Variants in PDE1A observed in about 807,000 individuals in gnomAD.
PDE1A encodes phosphodiesterase 1A.
PDE1A carries 35 observed loss-of-function variants against 61.7 expected under a neutral mutation model. The observed-to-expected ratio is 0.57, with a 90% CI of 0.43 to 0.75. The LOEUF (loss-of-function observed/expected upper bound fraction) is 0.75. Among genes scored for constraint, PDE1A ranks in the 30% least tolerant of loss-of-function variants. The probability of loss-of-function intolerance (pLI) is 0.00; values close to 1 mark genes in which losing one functional copy is unlikely to be tolerated. For missense variants in PDE1A, 597 were observed against 630.6 expected (o/e 0.95, Z 0.57); for synonymous variants, 232 against 213.2 (o/e 1.09, Z -0.77).
intron 13 of PDE1A, among the ~76,000 whole-genome samples, chr2:182,176,427 AT>A (rs1239020061): frequency 2.1e-5 from 3 of 145,134 alleles, no homozygotes; most frequent in African/African-American, 8.2e-5. Context: ...ATTCCTAGGT[AT>A]TTTATTCTCT....
At chr2:182,418,317 T>G (rs1703048680) in intron 1 of PDE1A, among the ~76,000 whole-genome samples, 1 of 152,172 alleles carries the variant, frequency 6.6e-6, no homozygotes, top group Non-Finnish European at 1.5e-5. Flanking sequence ...TCATTACGGG[T>G]GTAATAGCTC....
chr2:182,568,528 C>T, the PDE1A span, among the ~76,000 whole-genome samples: 10 of 152,010 alleles, frequency 6.6e-5, no homozygotes, highest in East Asian at 3.9e-4. Flanking sequence ...TAGCCAGGCG[C>T]AGTGGCGGGC....
At chr2:182,437,247 G>C (rs978341924) in intron 2 of PDE1A, among the ~76,000 whole-genome samples, 4 of 151,972 alleles carry the variant, frequency 2.6e-5, no homozygotes, top group Admixed American at 1.3e-4. Context: ...ATGTGCAAAT[G>C]AAGTTGTGAT....
chr2:182,661,982 G>A, the PDE1A span, among the ~76,000 whole-genome samples: 67 of 151,434 alleles, frequency 4.4e-4, no homozygotes, highest in African/African-American at 1.6e-3. Flanking sequence ...TTACTAATTC[G>A]ACCAGCTGAT....
At chr2:182,231,946 G>A (rs1398866417) in intron 4 of PDE1A, among the ~76,000 whole-genome samples, 2 of 151,906 alleles carry the variant, frequency 1.3e-5, no homozygotes, top group African/African-American at 4.8e-5. Context: ...AGAAAAATAT[G>A]TAAATATCAT....
chr2:182,149,847 T>C (rs1420056920), intron 13 of PDE1A, among the ~76,000 whole-genome samples: 1 of 152,150 alleles, frequency 6.6e-6, no homozygotes, highest in Non-Finnish European at 1.5e-5. Flanking sequence ...GAATCATAGA[T>C]CCCTCTTGTA....
chr2:182,483,215 C>T (rs1346481474), intron 2 of PDE1A, among the ~76,000 whole-genome samples: 3 of 151,422 alleles, frequency 2.0e-5, no homozygotes, highest in African/African-American at 7.3e-5. Flanking sequence ...GCAAAATAGG[C>T]AATTAAACAA....
chr2:182,316,240 G>T (rs949807750), intron 1 of PDE1A, among the ~76,000 whole-genome samples: 1 of 152,136 alleles, frequency 6.6e-6, no homozygotes, highest in Non-Finnish European at 1.5e-5. Context: ...AATTTATGTG[G>T]TCAAACTTTG....
At chr2:182,373,729 A>G (rs376862794) in intron 1 of PDE1A, among the ~76,000 whole-genome samples, 109 of 152,324 alleles carry the variant, frequency 7.2e-4, no homozygotes, top group African/African-American at 2.5e-3. Flanking sequence ...TGAAAAATGA[A>G]TATTTTTTTT....
At chr2:182,699,088 G>C in the PDE1A span, among the ~76,000 whole-genome samples, 1 of 152,168 alleles carries the variant, frequency 6.6e-6, no homozygotes, top group Admixed American at 6.5e-5. Context: ...AATAAATGCT[G>C]TATTGATCCC....
chr2:182,230,321 A>G (rs77444360), intron 5 of PDE1A, among the ~76,000 whole-genome samples, 175 bp from the exon 6 acceptor site: 1 of 152,150 alleles, frequency 6.6e-6, no homozygotes, highest in East Asian at 1.9e-4. Flanking sequence ...TTCATTCCCA[A>G]AAAGAAAGAT....
the PDE1A span, among the ~76,000 whole-genome samples, chr2:182,601,321 C>A: frequency 6.6e-6 from 1 of 152,222 alleles, no homozygotes; most frequent in Non-Finnish European, 1.5e-5. Flanking sequence ...GGACCAGCTA[C>A]ACTGCAAGCA....
At chr2:182,622,196 A>G in the PDE1A span, among the ~76,000 whole-genome samples, 1 of 152,222 alleles carries the variant, frequency 6.6e-6, no homozygotes. Context: ...TTGTTTTGAT[A>G]TAGTCCTCTA....
At chr2:182,625,962 A>G in the PDE1A span, among the ~76,000 whole-genome samples, 2 of 152,210 alleles carry the variant, frequency 1.3e-5, no homozygotes, top group African/African-American at 4.8e-5. Flanking sequence ...ATAAAATTCA[A>G]ACAATGCCTA....
the PDE1A span, among the ~76,000 whole-genome samples, chr2:182,616,298 T>C: frequency 6.6e-6 from 1 of 152,226 alleles, no homozygotes; most frequent in African/African-American, 2.4e-5. Context: ...TCTCCTATTA[T>C]CCCCATTTTA....
downstream of PDE1A, among the ~76,000 whole-genome samples, chr2:182,146,238 T>TAA (rs1303378610): frequency 6.6e-6 from 1 of 152,176 alleles, no homozygotes; most frequent in Non-Finnish European, 1.5e-5. Flanking sequence ...GAGTTAATAA[T>TAA]TTGGTAGACT....
chr2:182,310,695 A>C (rs1347732), intron 1 of PDE1A, among the ~76,000 whole-genome samples: 146,433 of 152,208 alleles, frequency 0.96, 70,692 homozygotes, highest in Non-Finnish European at 1. Context: ...CAGCTTCCTA[A>C]AGCCAAACTG....
chr2:182,313,812 A>C (rs1334507536), intron 1 of PDE1A, among the ~76,000 whole-genome samples: 12 of 152,210 alleles, frequency 7.9e-5, no homozygotes, highest in Non-Finnish European at 1.8e-4. Context: ...ACTTAAGTAC[A>C]CTTGAGTAAT....
the PDE1A span, among the ~76,000 whole-genome samples, chr2:182,635,698 C>CTCTCTCTCTCTCTCTCTCTA: frequency 5.4e-5 from 8 of 147,514 alleles, no homozygotes; most frequent in African/African-American, 1.0e-4. Flanking sequence ...CTCTCTCTCT[C>CTCTCTCTCTCTCTCTCTCTA]TCCACATATG....
Sources: gnomAD v4.1 joint callset for allele counts (sites outside exome capture counted in the v4.1 genomes callset) on GRCh38, gnomAD v4.1.1 for gene constraint, MANE v1.5 for transcripts, NCBI Gene and HGNC (gene_info 2026-07-23, HGNC 2026-07-21) for gene names.